Variants in FHIT observed in about 807,000 individuals in gnomAD.
FHIT encodes bis(5'-adenosyl)-triphosphatase.
In FHIT, 19 loss-of-function variants were observed where a neutral mutation model predicts 17.9. That is an observed-to-expected ratio of 1.06 (90% CI 0.74 to 1.56). FHIT has a LOEUF of 1.56. FHIT is among the 40% of genes most tolerant of loss of function. The pLI, the probability that FHIT is intolerant of heterozygous loss-of-function variation, is 0.00. For synonymous variants in FHIT, 81 were observed against 69.7 expected, an observed-to-expected ratio of 1.16 and a Z score of -0.81; for missense variants, 248 against 189.2, an observed-to-expected ratio of 1.31 and a Z score of -1.82.
intron 3 of FHIT, among the ~76,000 whole-genome samples, chr3:60,904,925 C>T (rs956051355): frequency 2.0e-4 from 25 of 125,398 alleles, no homozygotes; most frequent in South Asian, 8.0e-4. Flanking sequence ...AGCAACAGAA[C>T]GAGACTTGGT....
chr3:61,090,700 G>C (rs542039991), intron 2 of FHIT, among the ~76,000 whole-genome samples: 20 of 152,148 alleles, frequency 1.3e-4, no homozygotes, highest in African/African-American at 4.6e-4. Flanking sequence ...ATAGATAGAG[G>C]CATCAACAAT....
chr3:60,876,964 A>T (rs1704691916), intron 3 of FHIT, among the ~76,000 whole-genome samples: 1 of 152,164 alleles, frequency 6.6e-6, no homozygotes, highest in Non-Finnish European at 1.5e-5. Flanking sequence ...ACCCAGAGGA[A>T]ACTTTCCCTA....
intron 5 of FHIT, among the ~76,000 whole-genome samples, chr3:60,396,320 C>T (rs564218235): frequency 6.6e-6 from 1 of 152,146 alleles, no homozygotes; most frequent in South Asian, 2.1e-4. Context: ...CTAGAGAAAA[C>T]AGCTATATAA....
chr3:59,808,095 C>T (rs1158539306), intron 8 of FHIT, among the ~76,000 whole-genome samples: 1 of 152,108 alleles, frequency 6.6e-6, no homozygotes, highest in Non-Finnish European at 1.5e-5. Flanking sequence ...TTTCCCCTAC[C>T]CCCCCAGTCC....
chr3:60,082,572 A>G (rs377222505), intron 5 of FHIT, among the ~76,000 whole-genome samples: 27 of 152,112 alleles, frequency 1.8e-4, no homozygotes, highest in African/African-American at 4.6e-4. Context: ...CAGAGGCTAA[A>G]CTAATTTACA....
At chr3:61,026,693 T>C (rs1328683337) in intron 3 of FHIT, among the ~76,000 whole-genome samples, 2 of 152,174 alleles carry the variant, frequency 1.3e-5, no homozygotes, top group African/African-American at 4.8e-5. Flanking sequence ...GCCGTTAGTG[T>C]ATTTTATGTG....
chr3:60,295,926 G>T (rs1444395987), intron 5 of FHIT, among the ~76,000 whole-genome samples: 1 of 152,058 alleles, frequency 6.6e-6, no homozygotes, highest in Non-Finnish European at 1.5e-5. Flanking sequence ...CGTGTTGTGG[G>T]AGGGACCAGG....
chr3:60,635,824 G>T (rs1348792527), intron 4 of FHIT, among the ~76,000 whole-genome samples: 1 of 151,974 alleles, frequency 6.6e-6, no homozygotes, highest in Non-Finnish European at 1.5e-5. Context: ...CCCTTAAACG[G>T]GCAGACAGCA....
chr3:59,966,295 T>C (rs979152063), intron 7 of FHIT, among the ~76,000 whole-genome samples: 1 of 152,196 alleles, frequency 6.6e-6, no homozygotes, highest in Admixed American at 6.5e-5. Context: ...CAAGTCCCAC[T>C]GTAGCCAGAA....
chr3:59,755,597 A>G (rs928216918), intron 8 of FHIT, among the ~76,000 whole-genome samples: 1 of 152,186 alleles, frequency 6.6e-6, no homozygotes, highest in African/African-American at 2.4e-5. Flanking sequence ...GGCGGTGACT[A>G]CTTGTTAACA....
At chr3:61,095,288 G>C (rs2106826916) in intron 2 of FHIT, among the ~76,000 whole-genome samples, 1 of 152,278 alleles carries the variant, frequency 6.6e-6, no homozygotes, top group African/African-American at 2.4e-5. Context: ...TTTTATACAA[G>C]AAAGCCTCAT....
chr3:60,928,429 G>T (rs972958662), intron 3 of FHIT, among the ~76,000 whole-genome samples: 11 of 151,534 alleles, frequency 7.3e-5, no homozygotes, highest in African/African-American at 2.2e-4. Context: ...ATGCCTTGGG[G>T]TCCCAGCTAC....
At chr3:60,635,904 A>G (rs2039572087) in intron 4 of FHIT, among the ~76,000 whole-genome samples, 1 of 152,150 alleles carries the variant, frequency 6.6e-6, no homozygotes, top group Admixed American at 6.6e-5. Flanking sequence ...TACTTTAAAT[A>G]CATAAATCTA....
At position 59,915,387 on chromosome 3, in the gene FHIT, A is replaced by C. The variant is rs576864949; in HGVS notation, c.348+6959T>G. Among the ~76,000 whole-genome samples the C allele has an allele frequency of 2.0e-5, 3 of 152,328 alleles. No homozygotes were observed. The South Asian group carries it at 6.2e-4, about 32-fold the overall frequency. The stretch of plus-strand genomic sequence containing the variant: ...CACTAACATGCGATTGAACGTATTC[A>C]AACAACATAGGAGAGCAATTTTGGG... On this transcript the variant is annotated intron_variant, in intron 8 of 9. Coordinates refer to ENST00000492590, the MANE Select transcript of FHIT (RefSeq NM_002012.4).
intron 7 of FHIT, 94 bp downstream of exon 7, chr3:60,011,277 G>A (rs1700126820): frequency 8.4e-7 from 1 of 1,185,566 alleles, no homozygotes; most frequent in African/African-American, 1.5e-5. Context: ...ATAACATAAT[G>A]AAACAGCAAT....
intron 4 of FHIT, among the ~76,000 whole-genome samples, chr3:60,675,768 G>A (rs2040609642): frequency 6.6e-6 from 1 of 152,094 alleles, no homozygotes; most frequent in Admixed American, 6.5e-5. Context: ...AACTTTCTTT[G>A]TACCATTTTT....
At chr3:59,770,274 C>T (rs1307561684) in intron 8 of FHIT, among the ~76,000 whole-genome samples, 5 of 152,154 alleles carry the variant, frequency 3.3e-5, no homozygotes, top group Non-Finnish European at 7.3e-5. Flanking sequence ...ATTGCATCCT[C>T]CTGAAATATA....
intron 8 of FHIT, among the ~76,000 whole-genome samples, chr3:59,809,368 G>C (rs1434841536): frequency 1.3e-5 from 2 of 152,172 alleles, no homozygotes; most frequent in Non-Finnish European, 2.9e-5. Flanking sequence ...GGAAAGGAAG[G>C]ATTCTTCCCC....
At chr3:60,031,699 G>T (rs998314810) in intron 5 of FHIT, among the ~76,000 whole-genome samples, 1 of 152,106 alleles carries the variant, frequency 6.6e-6, no homozygotes, top group Non-Finnish European at 1.5e-5. Flanking sequence ...AAATATAACT[G>T]ACTCATGCAA....
Sources: allele counts gnomAD v4.1 joint callset (sites outside exome capture counted in the v4.1 genomes callset), GRCh38; gene constraint gnomAD v4.1.1; transcripts MANE v1.5; gene names NCBI Gene and HGNC (gene_info 2026-07-23, HGNC 2026-07-21).